The following ATF6 variants were observed in gnomAD, a reference collection of about 807,000 sequenced individuals.
The protein encoded by ATF6 is activating transcription factor 6, also known as cyclic AMP-dependent transcription factor ATF-6 alpha.
A neutral mutation model predicts 83.6 loss-of-function variants in ATF6; 53 were observed. The observed-to-expected ratio is 0.63, with a 90% CI of 0.51 to 0.80. The LOEUF (loss-of-function observed/expected upper bound fraction) is 0.80, where lower values mean the gene tolerates loss of function less well. Ranked by LOEUF, ATF6 falls within the 30% of genes least tolerant of loss-of-function variation. The pLI, the probability that ATF6 is intolerant of heterozygous loss-of-function variation, is 0.00. For missense variants in ATF6, 744 were observed against 797.9 expected (o/e 0.93, Z 0.81); for synonymous variants, 288 against 285.8 (o/e 1.01, Z -0.08).
chr1:161,856,764 T>C (rs1686774910), intron 12 of ATF6, among the ~76,000 whole-genome samples: 1 of 152,226 alleles, frequency 6.6e-6, no homozygotes, highest in Admixed American at 6.5e-5. Flanking sequence ...GTCATGTTTT[T>C]CTTTCCTAGT....
At chr1:161,895,390 T>C (rs1687651759) in intron 14 of ATF6, among the ~76,000 whole-genome samples, 1 of 152,148 alleles carries the variant, frequency 6.6e-6, no homozygotes, top group Admixed American at 6.6e-5. Context: ...AAAGGATGCA[T>C]ATATGTTTTT....
At chr1:161,852,197 G>A (rs772135153) in intron 11 of ATF6, among the ~76,000 whole-genome samples, 39 of 152,092 alleles carry the variant, frequency 2.6e-4, no homozygotes, top group Admixed American at 2.6e-4. Flanking sequence ...ATACTTTACC[G>A]TTAGTACACA....
chr1:161,836,772 C>T (rs1686227749), intron 9 of ATF6, among the ~76,000 whole-genome samples: 1 of 152,182 alleles, frequency 6.6e-6, no homozygotes, highest in African/African-American at 2.4e-5. Context: ...GTGGCTTTAC[C>T]TTGTATCACT....
intron 14 of ATF6, among the ~76,000 whole-genome samples, chr1:161,870,902 G>T (rs1163997993): frequency 6.6e-6 from 1 of 151,634 alleles, no homozygotes; most frequent in African/African-American, 2.4e-5. Context: ...TTATTTGTTT[G>T]CTCTATTTGG....
intron 14 of ATF6, among the ~76,000 whole-genome samples, chr1:161,865,972 T>C (rs1441168947): frequency 6.6e-6 from 1 of 152,212 alleles, no homozygotes; most frequent in African/African-American, 2.4e-5. Flanking sequence ...TGCTTGGTCT[T>C]CTTTCATCTT....
At chr1:161,939,035 A>G (rs930065487) in intron 15 of ATF6, among the ~76,000 whole-genome samples, 2 of 152,098 alleles carry the variant, frequency 1.3e-5, no homozygotes, top group Middle Eastern at 3.2e-3. Flanking sequence ...CACTCCAAAT[A>G]GGCTTTCATC....
chr1:161,782,543 A>G (rs1415739204), intron 3 of ATF6, among the ~76,000 whole-genome samples: 1 of 152,176 alleles, frequency 6.6e-6, no homozygotes, highest in African/African-American at 2.4e-5. Context: ...CCTCCCTTCT[A>G]GCTTTTTCTA....
intron 14 of ATF6, among the ~76,000 whole-genome samples, chr1:161,889,445 T>A (rs766775965): frequency 2.0e-5 from 3 of 152,242 alleles, no homozygotes; most frequent in Non-Finnish European, 4.4e-5. Flanking sequence ...AAGCACACTC[T>A]CAGAGTCAGC....
chr1:161,868,042 A>C (rs935427294), intron 14 of ATF6, among the ~76,000 whole-genome samples: 8 of 152,234 alleles, frequency 5.3e-5, no homozygotes, highest in African/African-American at 1.4e-4. Context: ...CTCAGAATCC[A>C]AATAATCCCT....
intron 12 of ATF6, among the ~76,000 whole-genome samples, chr1:161,853,877 A>T (rs1686699518): frequency 6.6e-6 from 1 of 152,204 alleles, no homozygotes; most frequent in Non-Finnish European, 1.5e-5. Context: ...TAGAATTTAG[A>T]CTAGCAACTG....
chr1:161,806,367 C>G (rs921931137), intron 7 of ATF6, among the ~76,000 whole-genome samples: 2 of 152,204 alleles, frequency 1.3e-5, no homozygotes, highest in African/African-American at 4.8e-5. Context: ...TGAAACATTA[C>G]TGCCCTTGTT....
intron 15 of ATF6, among the ~76,000 whole-genome samples, chr1:161,928,009 C>T (rs1206572417): frequency 1.3e-5 from 2 of 152,140 alleles, no homozygotes; most frequent in Non-Finnish European, 2.9e-5. Context: ...TCAGGTTCAG[C>T]TCCCCTTTTT....
chr1:161,870,909 T>G (rs1421982239), intron 14 of ATF6, among the ~76,000 whole-genome samples: 3 of 151,818 alleles, frequency 2.0e-5, no homozygotes, highest in Non-Finnish European at 4.4e-5. Context: ...TTTGCTCTAT[T>G]TGGTAGTCTT....
At chr1:161,847,036 C>T (rs1686502139) in intron 10 of ATF6, among the ~76,000 whole-genome samples, 2 of 152,032 alleles carry the variant, frequency 1.3e-5, no homozygotes, top group African/African-American at 4.8e-5. Flanking sequence ...GAATCCCTCC[C>T]TTGTTGCAAT....
chr1:161,791,637 C>G (rs986389995), intron 5 of ATF6, 100 bp downstream of exon 5: 1 of 1,341,610 alleles, frequency 7.5e-7, no homozygotes, highest in Non-Finnish European at 9.9e-7. Flanking sequence ...GTTTATTAGG[C>G]TGGCTTGCTG....
intron 12 of ATF6, among the ~76,000 whole-genome samples, chr1:161,859,950 G>A (rs1278248470): frequency 6.6e-6 from 1 of 152,064 alleles, no homozygotes; most frequent in Non-Finnish European, 1.5e-5. Flanking sequence ...TGTGGTGCTT[G>A]GACTAGCTTT....
intron 15 of ATF6, among the ~76,000 whole-genome samples, chr1:161,914,037 C>T (rs900602960): frequency 1.3e-5 from 2 of 152,156 alleles, no homozygotes; most frequent in Admixed American, 6.5e-5. Flanking sequence ...AAAATCCAGT[C>T]ATTAGAGGAT....
chr1:161,828,893 C>T (rs1386958713), intron 9 of ATF6, among the ~76,000 whole-genome samples: 2 of 152,096 alleles, frequency 1.3e-5, no homozygotes, highest in Non-Finnish European at 2.9e-5. Flanking sequence ...GGAGACCCAT[C>T]TCATATGCAG....
chr1:161,812,455 G>T (rs1408431094), intron 7 of ATF6, among the ~76,000 whole-genome samples: 1 of 131,852 alleles, frequency 7.6e-6, no homozygotes, highest in Non-Finnish European at 1.5e-5. Context: ...TGCAGTGGCG[G>T]GATCTCGGCT....
Sources: allele counts gnomAD v4.1 joint callset (sites outside exome capture counted in the v4.1 genomes callset), GRCh38; gene constraint gnomAD v4.1.1; transcripts MANE v1.5; gene names NCBI Gene and HGNC (gene_info 2026-07-23, HGNC 2026-07-21).